AFF1: variants seen among roughly 807,000 people sequenced by gnomAD.
AFF1 encodes the protein ALF transcription elongation factor 1, also known as AF4/FMR2 family member 1.
AFF1 carries 48 observed loss-of-function variants against 121.7 expected under a neutral mutation model. The observed-to-expected ratio is 0.39, with a 90% CI of 0.31 to 0.50. The LOEUF (loss-of-function observed/expected upper bound fraction) is 0.50. AFF1 is among the 20% of genes least tolerant of loss of function. The pLI is 0.76. For missense variants in AFF1, 1,523 were observed against 1,511.7 expected (o/e 1.01, Z -0.12); for synonymous variants, 613 against 563.0 (o/e 1.09, Z -1.26).
chr4:87,090,056 C>A lies in AFF1; in HGVS notation c.1177C>A (p.Pro393Thr), dbSNP rs908512226. The A allele has an allele frequency of 6.2e-7, 1 of 1,613,698 alleles. No homozygotes were observed. Among genetic ancestry groups the A allele is most frequent in the East Asian group, 2.2e-5 (1 of 44,832 alleles). Residue 393 changes from proline to threonine, a missense_variant, in exon 6 of 21, where the codon CCT (proline) becomes ACT (threonine). Pro to Thr is a conservative substitution (Grantham distance 38). Around this residue, in one of 5 missense-constraint regions of AFF1, gnomAD observed 905 missense variants for 842.5 expected, o/e 1.07. Coordinates refer to ENST00000395146, the MANE Select transcript of AFF1 (RefSeq NM_001166693.3). ...TAGTACAGCTGAGCCATCCAAGTTT[C>A]CTTTCCCTACAAAGGTAATTCCTTA... Reference protein sequence around the residue: ...TPSTAEPSKFPFPTKDSQHVS... With the variant: ...TPSTAEPSKFTFPTKDSQHVS...
intron 5 of AFF1, among the ~76,000 whole-genome samples, chr4:87,084,965 C>A (rs1441165154): frequency 6.6e-6 from 1 of 152,142 alleles, no homozygotes; most frequent in Non-Finnish European, 1.5e-5. Context: ...TACATACAGC[C>A]TTTTCTTCAG....
chr4:86,970,967 C>T (rs893205092), intron 2 of AFF1, among the ~76,000 whole-genome samples: 50 of 152,032 alleles, frequency 3.3e-4, no homozygotes, highest in African/African-American at 1.2e-3. Flanking sequence ...CCTTGTCGGC[C>T]GTTGGAAAGT....
chr4:87,088,945 A>G (rs915735971), intron 5 of AFF1, among the ~76,000 whole-genome samples: 11 of 151,992 alleles, frequency 7.2e-5, no homozygotes, highest in Non-Finnish European at 1.3e-4. Context: ...GGGTTTTTCC[A>G]TGTTGGTCAG....
chr4:87,105,107 T>G (rs1725780845), intron 8 of AFF1, among the ~76,000 whole-genome samples: 1 of 152,248 alleles, frequency 6.6e-6, no homozygotes, highest in Non-Finnish European at 1.5e-5. Flanking sequence ...ATTCTAATGT[T>G]GAACTTTTTA....
chr4:86,977,807 G>A (rs1304676819), intron 2 of AFF1, among the ~76,000 whole-genome samples: 5 of 152,170 alleles, frequency 3.3e-5, no homozygotes, highest in Non-Finnish European at 5.9e-5. Flanking sequence ...GTTTACCAGG[G>A]AGTTGCCCTA....
At chr4:87,036,594 A>T (rs1729585448) in intron 2 of AFF1, among the ~76,000 whole-genome samples, 1 of 152,168 alleles carries the variant, frequency 6.6e-6, no homozygotes, top group Admixed American at 6.5e-5. Flanking sequence ...TGTATGTCCA[A>T]CCACACAGTT....
chr4:87,022,596 ATCTG>A (rs1728089537), intron 2 of AFF1, among the ~76,000 whole-genome samples: 4 of 102,704 alleles, frequency 3.9e-5, no homozygotes, highest in African/African-American at 7.2e-5. Flanking sequence ...ATCTATATCT[ATCTG>A]TGTGTATATA....
intron 2 of AFF1, among the ~76,000 whole-genome samples, chr4:87,045,768 T>C (rs1252259436): frequency 6.6e-6 from 1 of 152,166 alleles, no homozygotes; most frequent in Non-Finnish European, 1.5e-5. Flanking sequence ...CTTTCTAAAG[T>C]CCACATCCTG....
chr4:87,103,637 G>A (rs988461118), intron 8 of AFF1, among the ~76,000 whole-genome samples: 1 of 152,204 alleles, frequency 6.6e-6, no homozygotes, highest in African/African-American at 2.4e-5. Context: ...CATTTTCATG[G>A]TGCCTGTTTA....
At chr4:87,013,580 T>C (rs1727014266) in intron 2 of AFF1, among the ~76,000 whole-genome samples, 2 of 152,056 alleles carry the variant, frequency 1.3e-5, no homozygotes, top group Non-Finnish European at 2.9e-5. Flanking sequence ...GTGGCTCATA[T>C]GGGTGAGGGC....
At chr4:87,108,427 A>G (rs956132166) in intron 11 of AFF1, 112 bp downstream of exon 11, 1 of 1,176,430 alleles carries the variant, frequency 8.5e-7, no homozygotes. Context: ...ATTCTGTCCC[A>G]TGGGGCAATG....
intron 2 of AFF1, among the ~76,000 whole-genome samples, chr4:87,002,998 C>CA (rs934331312): frequency 2.0e-5 from 3 of 152,086 alleles, no homozygotes; most frequent in African/African-American, 7.2e-5. Flanking sequence ...ATGGTGTTTT[C>CA]AAAACACTTG....
chr4:87,135,662 G>A lies in AFF1; in HGVS notation c.3618G>A (p.Gln1206=), dbSNP rs1365154951. ...SLVDLVHYTR[Q]GFQQLQELTK... is the part of the protein sequence containing the mutation. The stretch of plus-strand genomic sequence containing the variant: ...TGGACCTGGTGCACTATACACGACA[G>A]GGTTTTCAGCAGCTACAAGAATTAA... Residue 1206 remains glutamine (Q), a synonymous_variant, in exon 21 of 21, where the codon CAG becomes CAA. Transcript: ENST00000395146. 1 of 1,612,688 alleles carries A rather than the reference G, an allele frequency of 6.2e-7. No homozygotes were observed. Among genetic ancestry groups the A allele is most frequent in the African/African-American group, 1.3e-5 (1 of 74,892 alleles).
chr4:86,972,815 C>T (rs1039320842), intron 2 of AFF1, among the ~76,000 whole-genome samples: 1 of 152,198 alleles, frequency 6.6e-6, no homozygotes, highest in Non-Finnish European at 1.5e-5. Flanking sequence ...GCTGGGATTA[C>T]AGGCCTGAGC....
intron 4 of AFF1, chr4:87,049,573 T>C (rs1220269253): frequency 4.6e-6 from 2 of 432,904 alleles, no homozygotes; most frequent in East Asian, 7.1e-5. Context: ...CATTGAAGAA[T>C]GGGGTTTTTT....
chr4:87,135,663 G>A lies in AFF1; in HGVS notation c.3619G>A (p.Gly1207Ser), dbSNP rs769220895. 2 of 1,612,492 alleles carry A rather than the reference G, an allele frequency of 1.2e-6. No individual in the cohort carries two copies. Among genetic ancestry groups the A allele is most frequent in the Non-Finnish European group, 1.7e-6 (2 of 1,179,234 alleles). Residue 1207 changes from glycine (G) to serine (S), a missense_variant, in exon 21 of 21, where the codon GGT becomes AGT. Physicochemically the swap from Gly to Ser is moderately conservative, Grantham distance 56. This residue lies in a region of AFF1 where 241 missense variants were observed against 265.2 expected (regional missense o/e 0.91). Transcript: ENST00000395146. ...LVDLVHYTRQ[G>S]FQQLQELTKT... ...GGACCTGGTGCACTATACACGACAG[G>A]GTTTTCAGCAGCTACAAGAATTAAC...
At chr4:87,044,323 G>T (rs1027496556) in intron 2 of AFF1, among the ~76,000 whole-genome samples, 3 of 152,190 alleles carry the variant, frequency 2.0e-5, no homozygotes, top group Non-Finnish European at 2.9e-5. Flanking sequence ...TGTAGTGGCT[G>T]TTTTTTAATC....
At chr4:87,087,113 T>TG (rs1670660616) in intron 5 of AFF1, among the ~76,000 whole-genome samples, 1 of 152,168 alleles carries the variant, frequency 6.6e-6, no homozygotes, top group African/African-American at 2.4e-5. Flanking sequence ...CACAGTATCT[T>TG]GGGGGATTAA....
rs767123281 is a variant in AFF1, at chr4:87,046,179, G to T, written c.52G>T (p.Asp18Tyr). 2 of 1,613,022 alleles carry T rather than the reference G, an allele frequency of 1.2e-6. No individual in the cohort carries two copies. Among genetic ancestry groups the T allele is most frequent in the East Asian group, 4.5e-5 (2 of 44,852 alleles). Residue 18 changes from aspartate (D) to tyrosine (Y), a missense_variant, in exon 3 of 21, where the codon GAC becomes TAC. Physicochemically the swap from Asp to Tyr is radical, Grantham distance 160. Transcript: ENST00000395146. ...NSSGNSLYND[D>Y]RNLLRIREKE... ...CATCTGAAACAGTTTGTACAATGAC[G>T]ACAGAAACCTGCTTCGAATTAGAGA...
Sources: gnomAD v4.1 joint callset for allele counts (sites outside exome capture counted in the v4.1 genomes callset) on GRCh38, gnomAD v4.1.1 for gene constraint, gnomAD v4.1.1 regional missense constraint, MANE v1.5 for transcripts, NCBI Gene and HGNC (gene_info 2026-07-23, HGNC 2026-07-21) for gene names.